Variants in CDH18 observed in about 807,000 individuals in gnomAD.
CDH18 encodes cadherin 18.
CDH18 carries 31 observed loss-of-function variants against 67.9 expected under a neutral mutation model. That is an observed-to-expected ratio of 0.46 (90% CI 0.34 to 0.62). The LOEUF is 0.62. CDH18 is among the 20% of genes least tolerant of loss of function. The pLI is 0.01. For missense variants in CDH18, 890 were observed against 975.5 expected (o/e 0.91, Z 1.17); for synonymous variants, 362 against 347.2 (o/e 1.04, Z -0.48).
intron 1 of CDH18, among the ~76,000 whole-genome samples, chr5:20,533,381 G>T (rs1020789116): frequency 6.6e-6 from 1 of 151,758 alleles, no homozygotes; most frequent in Non-Finnish European, 1.5e-5. Flanking sequence ...TTCTTCAAGA[G>T]GGAAAAAAAG....
intron 1 of CDH18, among the ~76,000 whole-genome samples, chr5:20,508,353 ATATATATATATATG>A (rs1461681242): frequency 1.3e-5 from 1 of 79,188 alleles, no homozygotes; most frequent in African/African-American, 3.9e-5. Flanking sequence ...ATATATATAT[ATATATATATATATG>A]TATATTTATT....
intron 3 of CDH18, among the ~76,000 whole-genome samples, chr5:19,747,568 G>C (rs1035796976): frequency 3.3e-5 from 5 of 151,960 alleles, no homozygotes; most frequent in African/African-American, 4.8e-5. Context: ...TAAATTCCCA[G>C]TAGATTATTG....
intron 1 of CDH18, among the ~76,000 whole-genome samples, chr5:20,418,075 T>G (rs1187380625): frequency 6.6e-6 from 1 of 151,868 alleles, no homozygotes; most frequent in Non-Finnish European, 1.5e-5. Flanking sequence ...TTTTGTTTTT[T>G]ATTTTTATTT....
intron 9 of CDH18, among the ~76,000 whole-genome samples, chr5:19,525,265 C>CCACACTTGGGCACAGGA (rs1747582605): frequency 6.6e-6 from 1 of 152,156 alleles, no homozygotes; most frequent in Non-Finnish European, 1.5e-5. Flanking sequence ...TTCATGCATT[C>CCACACTTGGGCACAGGA]CACACTTGGG....
At chr5:19,685,171 A>G (rs915840265) in intron 5 of CDH18, among the ~76,000 whole-genome samples, 1 of 152,188 alleles carries the variant, frequency 6.6e-6, no homozygotes, top group Non-Finnish European at 1.5e-5. Context: ...TACAAATGTC[A>G]AGTAGGGAAA....
intron 4 of CDH18, among the ~76,000 whole-genome samples, chr5:19,729,933 T>C (rs960088456): frequency 1.3e-5 from 2 of 152,180 alleles, no homozygotes; most frequent in African/African-American, 2.4e-5. Context: ...GGGGAAGTTA[T>C]AGATGGAAAC....
chr5:20,230,741 TG>T (rs1353144454), intron 2 of CDH18, among the ~76,000 whole-genome samples: 1 of 152,162 alleles, frequency 6.6e-6, no homozygotes, highest in Admixed American at 6.6e-5. Flanking sequence ...AATGATTTTT[TG>T]TTATTCTAGG....
intron 3 of CDH18, among the ~76,000 whole-genome samples, chr5:19,814,488 T>C (rs1420926470): frequency 2.2e-5 from 3 of 133,640 alleles, no homozygotes; most frequent in Non-Finnish European, 3.3e-5. Flanking sequence ...GGTTGTTCTA[T>C]GTGTTATAGA....
intron 1 of CDH18, among the ~76,000 whole-genome samples, chr5:20,412,804 T>C (rs1746906982): frequency 6.6e-6 from 1 of 152,152 alleles, no homozygotes; most frequent in African/African-American, 2.4e-5. Context: ...ATCAGTCAAA[T>C]TGGCTATTAT....
intron 2 of CDH18, among the ~76,000 whole-genome samples, chr5:20,008,050 T>G (rs1282624982): frequency 6.6e-6 from 1 of 152,084 alleles, no homozygotes; most frequent in Non-Finnish European, 1.5e-5. Flanking sequence ...TTTCTCAATA[T>G]GTAGCCTATC....
At chr5:20,388,127 G>T (rs568861064) in intron 1 of CDH18, among the ~76,000 whole-genome samples, 4 of 152,296 alleles carry the variant, frequency 2.6e-5, no homozygotes, top group African/African-American at 4.8e-5. Context: ...GATTGGAATA[G>T]TGTCAGAAGG....
intron 6 of CDH18, among the ~76,000 whole-genome samples, chr5:19,594,272 C>T (rs969285534): frequency 6.6e-5 from 10 of 152,064 alleles, no homozygotes; most frequent in African/African-American, 2.4e-4. Context: ...CTGCCTCAAC[C>T]TCCTGAGTAG....
intron 1 of CDH18, among the ~76,000 whole-genome samples, chr5:20,433,154 C>T (rs968698004): frequency 6.6e-6 from 1 of 150,992 alleles, no homozygotes; most frequent in Non-Finnish European, 1.5e-5. Context: ...CCAATTTATA[C>T]GTTGAAGATC....
chr5:19,898,580 T>C (rs1179979652), intron 2 of CDH18, among the ~76,000 whole-genome samples: 5 of 152,094 alleles, frequency 3.3e-5, no homozygotes, highest in Non-Finnish European at 7.4e-5. Context: ...AGGAATAATA[T>C]GGAGTGAGTA....
At chr5:20,391,977 G>A (rs559007930) in intron 1 of CDH18, among the ~76,000 whole-genome samples, 11 of 151,892 alleles carry the variant, frequency 7.2e-5, no homozygotes, top group Middle Eastern at 6.8e-3. Context: ...AGTCTCTAAA[G>A]CAAAATACTA....
At chr5:19,870,526 CTTATG>C (rs944528685) in intron 2 of CDH18, among the ~76,000 whole-genome samples, 2 of 151,876 alleles carry the variant, frequency 1.3e-5, no homozygotes, top group African/African-American at 4.8e-5. Context: ...ATAGAGTATC[CTTATG>C]TTATAAGATG....
intron 5 of CDH18, among the ~76,000 whole-genome samples, chr5:19,666,224 C>A (rs549798329): frequency 2.7e-5 from 4 of 145,602 alleles, no homozygotes; most frequent in Admixed American, 7.0e-5. Flanking sequence ...CATGTCCCCA[C>A]GCCTGTATGA....
At chr5:19,637,879 C>T (rs1409490734) in intron 5 of CDH18, among the ~76,000 whole-genome samples, 2 of 152,184 alleles carry the variant, frequency 1.3e-5, no homozygotes, top group South Asian at 2.1e-4. Context: ...GCAATGGTTT[C>T]TACATCTATC....
chr5:20,131,193 T>A (rs1749241370), intron 2 of CDH18, among the ~76,000 whole-genome samples: 1 of 152,092 alleles, frequency 6.6e-6, no homozygotes, highest in Admixed American at 6.6e-5. Flanking sequence ...TTTGGGCTGC[T>A]TTTTTGAGAG....
Sources: gnomAD v4.1 joint callset for allele counts (sites outside exome capture counted in the v4.1 genomes callset) on GRCh38, gnomAD v4.1.1 for gene constraint, MANE v1.5 for transcripts, NCBI Gene and HGNC (gene_info 2026-07-23, HGNC 2026-07-21) for gene names.